Variants in TAF1 observed in about 807,000 individuals in gnomAD.
TAF1 encodes the protein transcription initiation factor TFIID subunit 1.
TAF1 carries 2 observed loss-of-function variants against 138.5 expected under a neutral mutation model. That is an observed-to-expected ratio of 0.01 (90% confidence interval 0.01 to 0.05). The LOEUF (loss-of-function observed/expected upper bound fraction) is 0.05, where lower values mean the gene tolerates loss of function less well. TAF1 is among the 10% of genes least tolerant of loss of function. The probability of loss-of-function intolerance (pLI) is 1.00; values close to 1 mark genes in which losing one functional copy is unlikely to be tolerated. For synonymous variants in TAF1, 437 were observed against 503.2 expected (o/e 0.87, Z 1.76); for missense variants, 709 against 1,478.0 (o/e 0.48, Z 8.53).
At chrX:71,496,732 G>T (rs933461945) in intron 13 of TAF1, among the ~76,000 whole-genome samples, 1 of 101,264 alleles carries the variant, frequency 9.9e-6, no homozygotes, top group African/African-American at 3.7e-5. Flanking sequence ...TTTCTTTCTC[G>T]CTCTCTTTCT....
intron 14 of TAF1, 127 bp from the exon 15 acceptor site, chrX:71,387,134 T>G: frequency 1.5e-6 from 1 of 652,270 alleles, no homozygotes; most frequent in Non-Finnish European, 2.3e-6. Flanking sequence ...TTTATTTGTA[T>G]TACTGGATAG....
At chrX:71,437,929 GGATTCAAACGTTTCTCCT>G (rs1025308342) in intron 32 of TAF1, among the ~76,000 whole-genome samples, 2 of 104,008 alleles carry the variant, frequency 1.9e-5, no homozygotes, top group African/African-American at 7.1e-5. Context: ...TCCGCTTCCT[GGATTCAAACGTTTCTCCT>G]GCCTCAGCCT....
chrX:71,498,455 A>C (rs974365501), intron 13 of TAF1, among the ~76,000 whole-genome samples: 1 of 111,658 alleles, frequency 9.0e-6, no homozygotes, highest in African/African-American at 3.3e-5. Context: ...GTACTCCTAG[A>C]ATTGGGGTGT....
chrX:71,428,313 C>G (rs1188990719), intron 32 of TAF1, among the ~76,000 whole-genome samples: 2 of 111,403 alleles, frequency 1.8e-5, no homozygotes, highest in South Asian at 3.8e-4. Context: ...GACAGGTGCT[C>G]TCACGTATTG....
At chrX:71,504,788 A>T (rs1209506773) in intron 13 of TAF1, among the ~76,000 whole-genome samples, 3 of 105,868 alleles carry the variant, frequency 2.8e-5, no homozygotes, top group Non-Finnish European at 3.9e-5. Flanking sequence ...AGAAAAAAGA[A>T]AAAAAGTAAA....
In TAF1 at chrX:71,528,761, C is replaced by T. The variant is rs1221935275; in HGVS notation, c.*174+36C>T. The stretch of plus-strand genomic sequence containing the variant: ...CAGCTCTTTAAAGGTAGCACAGACC[C>T]AAAGAGTGAGCGGCAGCAAGATTTA... On this transcript the variant is annotated intron_variant and NMD_transcript_variant, in intron 14 of 14. Transcript: ENST00000373775. The T allele has an allele frequency of 1.0e-5, 3 of 290,299 alleles. 1 individual carries two copies. The highest frequency in any genetic ancestry group is 2.0e-5 in the Non-Finnish European group (3 of 151,204). 23.9% of individuals were successfully genotyped at this position (290,299 alleles called of 1,213,427 possible).
chrX:71,419,940 C>G (rs373087551), intron 28 of TAF1: 39 of 220,304 alleles, frequency 1.8e-4, no homozygotes, highest in East Asian at 8.7e-4. Flanking sequence ...ATTCTCCCCC[C>G]CTTCCACAGT....
At chrX:71,491,641 T>G (rs2039285496) in intron 13 of TAF1, 2 of 109,344 alleles carry the variant, frequency 1.8e-5, no homozygotes, top group South Asian at 7.9e-4. Context: ...ATAAAAGGAA[T>G]GGCTCCTTTT....
At chrX:71,408,882 C>T (rs964977236) in intron 28 of TAF1, among the ~76,000 whole-genome samples, 6 of 109,684 alleles carry the variant, frequency 5.5e-5, no homozygotes, top group African/African-American at 1.7e-4. Context: ...GGCGTAGTGG[C>T]GGGCGCCTGT....
At chrX:71,390,506 A>C (rs2148354363) in intron 18 of TAF1, among the ~76,000 whole-genome samples, 1 of 111,241 alleles carries the variant, frequency 9.0e-6, no homozygotes, top group Admixed American at 9.6e-5. Context: ...TTCATTATGT[A>C]CATATAGTAC....
At chrX:71,435,370 A>G (rs753409523) in intron 32 of TAF1, among the ~76,000 whole-genome samples, 3 of 112,152 alleles carry the variant, frequency 2.7e-5, no homozygotes, top group South Asian at 7.5e-4. Flanking sequence ...GCAGCTTAGT[A>G]GTTATTCAGC....
At chrX:71,374,327 G>C (rs910047938) in intron 3 of TAF1, among the ~76,000 whole-genome samples, 2 of 111,273 alleles carry the variant, frequency 1.8e-5, no homozygotes, top group African/African-American at 6.5e-5. Flanking sequence ...CAGGTGATCT[G>C]CCCGCCTCAG....
At chrX:71,405,105 C>T (rs1374089929) in intron 25 of TAF1, among the ~76,000 whole-genome samples, 10 of 107,317 alleles carry the variant, frequency 9.3e-5, no homozygotes, top group Admixed American at 2.0e-4. Context: ...TACAGGTGCC[C>T]GCCACCATGC....
intron 13 of TAF1, among the ~76,000 whole-genome samples, chrX:71,481,939 G>T (rs182375507): frequency 7.1e-5 from 8 of 112,236 alleles, no homozygotes; most frequent in Non-Finnish European, 1.1e-4. Context: ...AAATAAGTAG[G>T]TATTTGTTTT....
intron 3 of TAF1, among the ~76,000 whole-genome samples, chrX:71,370,173 C>T (rs1035015468): frequency 7.2e-5 from 8 of 111,770 alleles, no homozygotes; most frequent in Non-Finnish European, 1.5e-4. Context: ...TGCAGTGAGC[C>T]GAAATGATGC....
intron 28 of TAF1, among the ~76,000 whole-genome samples, chrX:71,410,822 G>A (rs1400241238): frequency 1.8e-5 from 2 of 109,019 alleles, no homozygotes; most frequent in African/African-American, 3.3e-5. Context: ...TTGCTGTGTC[G>A]CCCAGGCTGG....
intron 37 of TAF1, among the ~76,000 whole-genome samples, chrX:71,461,695 T>C (rs773081077): frequency 8.9e-6 from 1 of 112,162 alleles, no homozygotes; most frequent in East Asian, 2.8e-4. Flanking sequence ...AACAAATTAA[T>C]TTTTTACTTC....
At chrX:71,377,453 C>A in intron 5 of TAF1, 150 bp from the exon 6 acceptor site, 1 of 822,106 alleles carries the variant, frequency 1.2e-6, no homozygotes, top group Non-Finnish European at 1.7e-6. Flanking sequence ...CGCTTCTTTA[C>A]TTTCTTAGAC....
At position 71,387,334 on chromosome X, in the gene TAF1, G is replaced by A. The variant is rs2034289257; in HGVS notation, c.2300G>A (p.Arg767Gln). 2 of 1,210,085 alleles carry A rather than the reference G, an allele frequency of 1.7e-6. No homozygotes were observed. Among genetic ancestry groups the A allele is most frequent in the South Asian group, 1.8e-5 (1 of 56,859 alleles). ...KMPETDFLII[R>Q]TRQGYYIREL... The stretch of plus-strand genomic sequence containing the variant: ...CCAGAAACTGATTTCTTGATCATTC[G>A]GACAAGACAGGGTTACTATATTCGG... Residue 767 changes from arginine to glutamine, a missense_variant, in exon 15 of 38, where the codon CGG becomes CAG. Physicochemically the swap from Arg to Gln is conservative, Grantham distance 43. Around this residue, in one of 14 missense-constraint regions of TAF1, gnomAD observed 201 missense variants for 421.3 expected, o/e 0.48. Coordinates refer to ENST00000423759, the MANE Select transcript of TAF1 (RefSeq NM_004606.5).
Sources: gnomAD v4.1 joint callset for allele counts (sites outside exome capture counted in the v4.1 genomes callset) on GRCh38, gnomAD v4.1.1 for gene constraint, gnomAD v4.1.1 regional missense constraint, MANE v1.5 for transcripts, NCBI Gene and HGNC (gene_info 2026-07-23, HGNC 2026-07-21) for gene names.